Variants in NCOA2 observed in about 807,000 individuals in gnomAD.
NCOA2 encodes the protein class E basic helix-loop-helix protein 75.
Under a neutral mutation model 145.1 loss-of-function variants are expected in NCOA2, and 21 were observed. The ratio of observed to expected loss-of-function variants is 0.14; its 90% CI spans 0.10 to 0.21. The LOEUF (loss-of-function observed/expected upper bound fraction) is 0.21. Among genes scored for constraint, NCOA2 ranks in the 10% least tolerant of loss-of-function variants. NCOA2 has a pLI of 1.00. For missense variants in NCOA2, 1,472 were observed against 1,837.6 expected, an observed-to-expected ratio of 0.80 and a Z score of 3.64; for synonymous variants, 619 against 637.5, an observed-to-expected ratio of 0.97 and a Z score of 0.44.
intron 16 of NCOA2, among the ~76,000 whole-genome samples, chr8:70,129,696 A>C (rs923840202): frequency 4.6e-5 from 7 of 150,914 alleles, no homozygotes; most frequent in African/African-American, 1.7e-4. Flanking sequence ...TTTGAGACGG[A>C]GTTTCGCTCT....
At chr8:70,226,457 A>C (rs1820648817) in intron 2 of NCOA2, among the ~76,000 whole-genome samples, 1 of 152,084 alleles carries the variant, frequency 6.6e-6, no homozygotes, top group South Asian at 2.1e-4. Context: ...ATCTTGCAAC[A>C]ACTGAGGGAA....
intron 1 of NCOA2, among the ~76,000 whole-genome samples, chr8:70,305,903 G>C (rs1326538354): frequency 6.6e-6 from 1 of 152,174 alleles, no homozygotes; most frequent in African/African-American, 2.4e-5. Context: ...CTGTGGAGTA[G>C]TTAGTACCTA....
At chr8:70,212,069 ATATATATATAT>A in intron 4 of NCOA2, among the ~76,000 whole-genome samples, 1 of 2,684 alleles carries the variant, frequency 3.7e-4, no homozygotes, top group South Asian at 3.2e-3. Flanking sequence ...TGTGGCGCAT[ATATATATATAT>A]ATATATATAT....
At chr8:70,439,499 C>G in the NCOA2 span, among the ~76,000 whole-genome samples, 1 of 152,172 alleles carries the variant, frequency 6.6e-6, no homozygotes, top group Non-Finnish European at 1.5e-5. Flanking sequence ...AATGAAGATG[C>G]AATACCTCAT....
intron 11 of NCOA2, among the ~76,000 whole-genome samples, chr8:70,149,005 AG>A (rs1228800677): frequency 6.6e-6 from 1 of 151,884 alleles, no homozygotes; most frequent in Non-Finnish European, 1.5e-5. Context: ...AAAAGAACAC[AG>A]GGGTGGGGAG....
At chr8:70,454,906 T>A in the NCOA2 span, among the ~76,000 whole-genome samples, 2 of 152,342 alleles carry the variant, frequency 1.3e-5, 1 homozygote, top group South Asian at 4.1e-4. Flanking sequence ...AAAACCAATA[T>A]CCTGCTTAGT....
At chr8:70,395,737 C>T (rs756528495) in intron 1 of NCOA2, among the ~76,000 whole-genome samples, 1 of 152,078 alleles carries the variant, frequency 6.6e-6, no homozygotes, top group Admixed American at 6.6e-5. Flanking sequence ...AAAGACAATC[C>T]TCATTTAGAC....
intron 1 of NCOA2, among the ~76,000 whole-genome samples, chr8:70,348,299 C>T (rs1199048642): frequency 6.6e-6 from 1 of 152,140 alleles, no homozygotes; most frequent in Non-Finnish European, 1.5e-5. Flanking sequence ...AGATAAAACA[C>T]TTATGCTAGA....
At chr8:70,286,228 C>G (rs890746689) in intron 2 of NCOA2, among the ~76,000 whole-genome samples, 1 of 151,974 alleles carries the variant, frequency 6.6e-6, no homozygotes, top group Non-Finnish European at 1.5e-5. Flanking sequence ...GCCTGGGCAA[C>G]ATAACGAGAC....
In NCOA2 at chr8:70,156,677, T is replaced by C. The variant is rs1399363327; in HGVS notation, c.1688A>G (p.Gln563Arg). ...AGGATTCATATTAACTGGGGAGTTT[T>C]GCAAATTGCCCATTTTTAGGTCTGG... ...ASPDLKMGNL[Q>R]NSPVNMNPPP... Residue 563 changes from glutamine (Q) to arginine (R), a missense_variant, in exon 11 of 23, where the codon CAA (glutamine) becomes CGA (arginine). Physicochemically the swap from Gln to Arg is conservative, Grantham distance 43. Around this residue, in one of 4 missense-constraint regions of NCOA2, gnomAD observed 953 missense variants for 1,062.1 expected, o/e 0.90. Coordinates refer to ENST00000452400, the MANE Select transcript of NCOA2 (RefSeq NM_006540.4). 32 of 1,613,886 alleles carry C rather than the reference T, an allele frequency of 2.0e-5. No homozygotes were observed. The highest frequency in any genetic ancestry group is 2.6e-5 in the Non-Finnish European group (31 of 1,179,904).
At chr8:70,119,508 C>T (rs182812359) in intron 22 of NCOA2, among the ~76,000 whole-genome samples, 159 of 152,308 alleles carry the variant, frequency 1.0e-3, no homozygotes, top group Admixed American at 1.4e-3. Flanking sequence ...GTGAATAGTG[C>T]TGCAATAACC....
At chr8:70,307,592 G>A (rs1022782176) in intron 1 of NCOA2, among the ~76,000 whole-genome samples, 1 of 152,166 alleles carries the variant, frequency 6.6e-6, no homozygotes, top group African/African-American at 2.4e-5. Flanking sequence ...TTAATTTCAG[G>A]ACTTCCATTT....
chr8:70,183,415 T>A (rs1815701359), intron 4 of NCOA2, among the ~76,000 whole-genome samples: 1 of 152,220 alleles, frequency 6.6e-6, no homozygotes, highest in Non-Finnish European at 1.5e-5. Context: ...GATAAATAGC[T>A]TAAAATATGA....
the NCOA2 span, among the ~76,000 whole-genome samples, chr8:70,444,408 A>G: frequency 6.6e-6 from 1 of 152,174 alleles, no homozygotes; most frequent in Non-Finnish European, 1.5e-5. Flanking sequence ...TTTATGATGA[A>G]ACTATTACAT....
chr8:70,217,924 C>T (rs369298403), intron 2 of NCOA2, among the ~76,000 whole-genome samples: 9 of 152,064 alleles, frequency 5.9e-5, no homozygotes, highest in African/African-American at 1.7e-4. Flanking sequence ...ATCACCTTTG[C>T]CCCTCCTTTA....
intron 4 of NCOA2, among the ~76,000 whole-genome samples, chr8:70,191,795 C>T (rs963953531): frequency 6.6e-6 from 1 of 152,152 alleles, no homozygotes; most frequent in Non-Finnish European, 1.5e-5. Context: ...AATCCCAGAA[C>T]TTTGGGAGGC....
At chr8:70,278,723 T>G (rs1825651437) in intron 2 of NCOA2, among the ~76,000 whole-genome samples, 1 of 152,100 alleles carries the variant, frequency 6.6e-6, no homozygotes, top group African/African-American at 2.4e-5. Context: ...TCCCAGCATT[T>G]TGGGAGGCTG....
At chr8:70,283,201 G>A (rs1343732775) in intron 2 of NCOA2, among the ~76,000 whole-genome samples, 1 of 152,148 alleles carries the variant, frequency 6.6e-6, no homozygotes, top group Non-Finnish European at 1.5e-5. Context: ...GATATTCTAG[G>A]CAAAAATCAG....
chr8:70,318,787 C>T (rs1805819550), intron 1 of NCOA2, among the ~76,000 whole-genome samples: 1 of 152,038 alleles, frequency 6.6e-6, no homozygotes, highest in South Asian at 2.1e-4. Flanking sequence ...GAAGGAGGGG[C>T]TATCTCAATA....
Sources: allele counts gnomAD v4.1 joint callset (sites outside exome capture counted in the v4.1 genomes callset), GRCh38; gene constraint gnomAD v4.1.1; regional missense constraint gnomAD v4.1.1; transcripts MANE v1.5; gene names NCBI Gene and HGNC (gene_info 2026-07-23, HGNC 2026-07-21).